The following PDE11A variants were observed in gnomAD, a reference collection of about 807,000 sequenced individuals.
PDE11A encodes dual 3',5'-cyclic-AMP and -GMP phosphodiesterase 11A.
Under a neutral mutation model 100.5 loss-of-function variants are expected in PDE11A, and 100 were observed. The observed-to-expected ratio is 1.00, with a 90% CI of 0.85 to 1.18. The LOEUF (loss-of-function observed/expected upper bound fraction) is 1.18, where lower values mean the gene tolerates loss of function less well. Among genes scored for constraint, PDE11A ranks in the 50% most tolerant of loss-of-function variants. PDE11A has a pLI of 0.00. For synonymous variants in PDE11A, 381 were observed against 420.8 expected (o/e 0.91, Z 1.16); for missense variants, 1,141 against 1,152.6 (o/e 0.99, Z 0.15).
intron 9 of PDE11A, among the ~76,000 whole-genome samples, chr2:177,792,822 A>T (rs1469806951): frequency 6.6e-6 from 1 of 152,218 alleles, no homozygotes; most frequent in Non-Finnish European, 1.5e-5. Context: ...TTCAATCAAG[A>T]CATATCCATT....
At chr2:177,786,278 G>T (rs1271413268) in intron 9 of PDE11A, among the ~76,000 whole-genome samples, 2 of 152,188 alleles carry the variant, frequency 1.3e-5, no homozygotes, top group Non-Finnish European at 2.9e-5. Flanking sequence ...AGGCAAACAG[G>T]GTCTGGAGTG....
At chr2:177,698,047 A>G (rs976548141) in intron 14 of PDE11A, among the ~76,000 whole-genome samples, 25 of 152,308 alleles carry the variant, frequency 1.6e-4, no homozygotes, top group Non-Finnish European at 3.5e-4. Flanking sequence ...GATGCACAGG[A>G]GACCCCCACA....
intron 2 of PDE11A, 128 bp from the exon 3 acceptor site, chr2:177,905,315 C>T (rs552277364): frequency 7.1e-5 from 43 of 602,076 alleles, no homozygotes; most frequent in Non-Finnish European, 1.2e-4. Flanking sequence ...AGATTGAATA[C>T]AGAGAGTTGT....
intron 2 of PDE11A, among the ~76,000 whole-genome samples, chr2:177,911,101 G>T (rs369100482): frequency 1.3e-5 from 2 of 152,262 alleles, no homozygotes; most frequent in South Asian, 2.1e-4. Flanking sequence ...AGTCACTTCT[G>T]CCCTCAGGCA....
intron 1 of PDE11A, among the ~76,000 whole-genome samples, chr2:178,023,592 G>A (rs1166830974): frequency 1.3e-5 from 2 of 152,052 alleles, no homozygotes; most frequent in Non-Finnish European, 2.9e-5. Context: ...AATCTACAAG[G>A]GTGATTTTTA....
chr2:177,680,851 T>A lies in PDE11A; in HGVS notation c.2398A>T (p.Ile800Phe). The A allele has an allele frequency of 1.9e-6, 3 of 1,587,446 alleles. No individual in the cohort carries two copies. The highest frequency in any genetic ancestry group is 2.6e-6 in the Non-Finnish European group (3 of 1,156,510). The change falls in exon 16 of 20, where the codon ATC becomes TTC. Residue 800 changes from isoleucine (I) to phenylalanine (F), a missense_variant. Physicochemically the swap from Ile to Phe is conservative, Grantham distance 21. Coordinates refer to ENST00000286063, the MANE Select transcript of PDE11A (RefSeq NM_016953.4). ...CGAAATATATCACGATGGTTTTTGA[T>A]GTTCCAATCGTATTCTCCTTTACTG... is the stretch of plus-strand genomic sequence containing the variant. Reference protein sequence around the residue: ...LVSKGEYDWNIKNHRDIFRSM... With the variant: ...LVSKGEYDWNFKNHRDIFRSM...
At chr2:177,897,556 C>T (rs1277447893) in intron 4 of PDE11A, among the ~76,000 whole-genome samples, 1 of 152,208 alleles carries the variant, frequency 6.6e-6, no homozygotes, top group East Asian at 1.9e-4. Flanking sequence ...TTCGGTTGGC[C>T]ATTCCATTCT....
At chr2:178,026,106 A>G (rs528001367) in intron 1 of PDE11A, among the ~76,000 whole-genome samples, 5 of 150,562 alleles carry the variant, frequency 3.3e-5, no homozygotes, top group African/African-American at 1.2e-4. Flanking sequence ...ATTCATCAGA[A>G]CCTAACACAG....
chr2:178,047,214 C>G (rs550359040), intron 1 of PDE11A, among the ~76,000 whole-genome samples: 1 of 152,236 alleles, frequency 6.6e-6, no homozygotes, highest in East Asian at 1.9e-4. Flanking sequence ...GTAATCCCAA[C>G]ACTTTGGGAG....
chr2:177,833,250 G>T (rs2083339521), intron 6 of PDE11A, among the ~76,000 whole-genome samples: 1 of 152,168 alleles, frequency 6.6e-6, no homozygotes, highest in Non-Finnish European at 1.5e-5. Context: ...TCCTATAAGG[G>T]AGGACCTGGT....
intron 2 of PDE11A, among the ~76,000 whole-genome samples, chr2:177,967,076 C>G (rs919109944): frequency 6.6e-6 from 1 of 151,828 alleles, no homozygotes; most frequent in Non-Finnish European, 1.5e-5. Context: ...CTGGTTCATT[C>G]CTGTATGTTT....
intron 15 of PDE11A, among the ~76,000 whole-genome samples, chr2:177,692,669 C>T (rs1199372396): frequency 3.3e-5 from 5 of 152,184 alleles, no homozygotes; most frequent in Middle Eastern, 3.2e-3. Flanking sequence ...GTTGGAAAAT[C>T]AGAGTGAATC....
Position 178,071,966 on chromosome 2 carries a change from G to A in PDE11A, c.472C>T (p.Leu158Phe). ...PLSSVRRRAL[L>F]RKASSLPPTT... ...GGGGGCAGGGAGCTTGCCTTCCGGA[G>A]AAGTGCCCTCCGTCGTACACTACTC... is the stretch of plus-strand genomic sequence containing the variant. Residue 158 changes from leucine (L) to phenylalanine (F), a missense_variant, in exon 1 of 20, where the codon CTC (leucine) becomes TTC (phenylalanine). Leu to Phe is a conservative substitution (Grantham distance 22, BLOSUM62 0). Coordinates refer to ENST00000286063, the MANE Select transcript of PDE11A (RefSeq NM_016953.4). 6.2e-7 allele frequency: 1 copy of A among 1,614,106 alleles called. No homozygotes were observed. The highest frequency in any genetic ancestry group is 1.7e-5 in the Admixed American group (1 of 60,032).
At chr2:178,054,037 G>T (rs1295622462) in intron 1 of PDE11A, among the ~76,000 whole-genome samples, 1 of 152,180 alleles carries the variant, frequency 6.6e-6, no homozygotes, top group Non-Finnish European at 1.5e-5. Flanking sequence ...AACCAAAAAA[G>T]AGCCCGCATC....
intron 19 of PDE11A, among the ~76,000 whole-genome samples, chr2:177,647,966 G>C (rs2105455903): frequency 6.6e-6 from 1 of 152,068 alleles, no homozygotes; most frequent in Middle Eastern, 3.4e-3. Context: ...TTAAAAATTA[G>C]CTTGGTGTGG....
At position 177,631,444 on chromosome 2, in the gene PDE11A, G is replaced by T. The variant is rs1279075815; in HGVS notation, c.2647-1882C>A. ...TGCAGTGGGCTGAGATCACACCACT[G>T]CACTCCAGCCTGGGCAACAGAGTGA... is the stretch of plus-strand genomic sequence containing the variant. On this transcript the variant is annotated intron_variant, in intron 19 of 19. Coordinates refer to ENST00000286063, the MANE Select transcript of PDE11A (RefSeq NM_016953.4). Among the ~76,000 whole-genome samples, 18 of 119,160 alleles carry T rather than the reference G, an allele frequency of 1.5e-4. No homozygotes were observed. The East Asian group carries it at 4.3e-3, about 29-fold the overall frequency. The allele number at this position is 119,160 out of a possible 152,430, so 78.2% of individuals were successfully genotyped here.
chr2:178,038,324 G>C (rs1258017046), intron 1 of PDE11A, among the ~76,000 whole-genome samples: 1 of 146,044 alleles, frequency 6.8e-6, no homozygotes, highest in East Asian at 2.0e-4. Flanking sequence ...ACACTGATCT[G>C]CTTCCTGTCA....
At chr2:177,758,207 G>A (rs1223107167) in intron 10 of PDE11A, among the ~76,000 whole-genome samples, 1 of 144,916 alleles carries the variant, frequency 6.9e-6, no homozygotes, top group Non-Finnish European at 1.5e-5. Flanking sequence ...TGAGGCAGGA[G>A]AATAGCATGA....
In PDE11A at chr2:177,908,187, C is replaced by G. The variant is rs74345705; in HGVS notation, c.1072-3000G>C. 6.5e-3 allele frequency among the ~76,000 whole-genome samples: 989 copies of G among 152,286 alleles called. 11 individuals carry two copies. The highest frequency in any genetic ancestry group is 0.023 in the African/African-American group (953 of 41,564). On this transcript the variant is annotated intron_variant, in intron 2 of 19. Coordinates refer to ENST00000286063, the MANE Select transcript of PDE11A (RefSeq NM_016953.4). ...ACAATTAATATGATAGTCTGGTTAA[C>G]TGCAATGCAAGATAGATGACTAAGA...
Sources: gnomAD v4.1 joint callset for allele counts (sites outside exome capture counted in the v4.1 genomes callset) on GRCh38, gnomAD v4.1.1 for gene constraint, MANE v1.5 for transcripts, NCBI Gene and HGNC (gene_info 2026-07-23, HGNC 2026-07-21) for gene names.